The following VAV2 variants were observed in gnomAD, a reference collection of about 807,000 sequenced individuals.
VAV2 encodes guanine nucleotide exchange factor VAV2.
A neutral mutation model predicts 132.5 loss-of-function variants in VAV2; 67 were observed. The ratio of observed to expected loss-of-function variants is 0.51; its 90% CI spans 0.42 to 0.62. The LOEUF is 0.62. Ranked by LOEUF, VAV2 falls within the 20% of genes least tolerant of loss-of-function variation. VAV2 has a pLI of 0.00. For missense variants in VAV2, 938 were observed against 1,153.6 expected (o/e 0.81, Z 2.71); for synonymous variants, 492 against 443.5 (o/e 1.11, Z -1.37).
chr9:133,818,103 G>A (rs1443857004), intron 4 of VAV2, among the ~76,000 whole-genome samples: 6 of 152,162 alleles, frequency 3.9e-5, no homozygotes, highest in Non-Finnish European at 8.8e-5. Flanking sequence ...GGCGGCTCAC[G>A]CCTGTAATCT....
chr9:133,827,003 G>A (rs746888818), intron 4 of VAV2, among the ~76,000 whole-genome samples: 3 of 152,234 alleles, frequency 2.0e-5, no homozygotes, highest in Non-Finnish European at 4.4e-5. Flanking sequence ...CATTCCCAGG[G>A]CCCCCCACAG....
Position 133,991,786 on chromosome 9 carries a change from G to C in VAV2, c.204+289C>G, listed in dbSNP as rs974442235. Among the ~76,000 whole-genome samples the C allele has an allele frequency of 6.6e-6, 1 of 151,154 alleles. No homozygotes were observed. Among genetic ancestry groups the C allele is most frequent in the African/African-American group, 2.4e-5 (1 of 41,352 alleles). On this transcript the variant is annotated intron_variant, in intron 1 of 29. Coordinates refer to ENST00000371850, the MANE Select transcript of VAV2 (RefSeq NM_001134398.2). The surrounding 1 kb of genome is among the most constrained non-coding windows in gnomAD (Gnocchi z 4.8). ...CCCGCAGAGCGAGCGCAGCGCCGGA[G>C]CCTCCCCCATCCCAGGCCGCGCAGA...
intron 12 of VAV2, among the ~76,000 whole-genome samples, chr9:133,793,472 C>A (rs1313906958): frequency 1.3e-5 from 2 of 152,144 alleles, no homozygotes; most frequent in Non-Finnish European, 2.9e-5. Flanking sequence ...AGGGGTGTTC[C>A]GTTTTCTTGT....
chr9:133,768,395 G>A lies in VAV2; in HGVS notation c.2589+47C>T. On this transcript the variant is annotated intron_variant, in intron 29 of 29. Transcript: ENST00000371850. This position sits in a 1 kb window ranked among gnomAD's most constrained non-coding sequence, Gnocchi z 5.3. ...AGTCTGCCTGAGCCCGACCAGGTAG[G>A]GGCTGCAGCGAGGCCAGCCCCACAC... is the stretch of plus-strand genomic sequence containing the variant. 1.3e-6 allele frequency: 2 copies of A among 1,596,200 alleles called. No homozygotes were observed. The highest frequency in any genetic ancestry group is 1.1e-5 in the South Asian group (1 of 89,076).
intron 1 of VAV2, among the ~76,000 whole-genome samples, chr9:133,952,991 G>A (rs1238272074): frequency 2.0e-5 from 3 of 149,888 alleles, no homozygotes; most frequent in African/African-American, 7.4e-5. Flanking sequence ...GAACCTGGAG[G>A]GAGCATGGCC....
chr9:133,774,192 G>A lies in VAV2; in HGVS notation c.2135+743C>T, dbSNP rs115288577. Among the ~76,000 whole-genome samples, 358 of 152,330 alleles carry A rather than the reference G, an allele frequency of 2.4e-3. 1 individual carries two copies. Among genetic ancestry groups the A allele is most frequent in the African/African-American group, 8.0e-3 (331 of 41,558 alleles). On this transcript the variant is annotated intron_variant, in intron 25 of 29. Coordinates refer to ENST00000371850, the MANE Select transcript of VAV2 (RefSeq NM_001134398.2). ...ACAGTCATTAAACAAATGGTGGCCT[G>A]GCTGCCTGGTCCTCTGTGAGGCCTT...
intron 29 of VAV2, among the ~76,000 whole-genome samples, chr9:133,765,020 C>T (rs1833387586): frequency 6.6e-6 from 1 of 152,172 alleles, no homozygotes; most frequent in Non-Finnish European, 1.5e-5. Context: ...AACAACTCCT[C>T]ACAAAAAGGA....
intron 1 of VAV2, among the ~76,000 whole-genome samples, chr9:133,967,034 CAAAA>C (rs71380266): frequency 2.8e-5 from 3 of 106,176 alleles, no homozygotes; most frequent in Admixed American, 1.1e-4. Flanking sequence ...GACTTTGTCT[CAAAA>C]AAAAAAAAAA....
At chr9:133,774,796 A>G in intron 25 of VAV2, 139 bp downstream of exon 25, 1 of 784,198 alleles carries the variant, frequency 1.3e-6, no homozygotes, top group Admixed American at 2.2e-5. Context: ...CACCGCTTTC[A>G]TCTCAATAAT....
chr9:133,989,898 C>T (rs1427333120), intron 1 of VAV2, among the ~76,000 whole-genome samples: 1 of 152,268 alleles, frequency 6.6e-6, no homozygotes, highest in African/African-American at 2.4e-5. Flanking sequence ...GTGGCCCACC[C>T]TCCACGGGAC....
At position 133,912,345 on chromosome 9, in the gene VAV2, C is replaced by T. The variant is rs1310169303; in HGVS notation, c.321+26758G>A. Among the ~76,000 whole-genome samples the T allele has an allele frequency of 6.6e-6, 1 of 152,190 alleles. No individual in the cohort carries two copies. Among genetic ancestry groups the T allele is most frequent in the Non-Finnish European group, 1.5e-5 (1 of 68,036 alleles). On this transcript the variant is annotated intron_variant, in intron 2 of 29. Coordinates refer to ENST00000371850, the MANE Select transcript of VAV2 (RefSeq NM_001134398.2). This position sits in a 1 kb window ranked among gnomAD's most constrained non-coding sequence, Gnocchi z 4.3. Reference sequence around the variant, plus strand: ...CTGGGAACATGAGACCCGGGCTGAACACGAGGCTATGTCCGTCCAAATCCC... The same window carrying T: ...CTGGGAACATGAGACCCGGGCTGAATACGAGGCTATGTCCGTCCAAATCCC...
In VAV2 at chr9:133,779,910, A is replaced by G. The variant is rs754903241; in HGVS notation, c.1762+8T>C. The G allele has an allele frequency of 7.8e-5, 125 of 1,611,696 alleles. No homozygotes were observed. Among genetic ancestry groups the G allele is most frequent in the Non-Finnish European group, 1.1e-4 (124 of 1,179,368 alleles). On this transcript the variant is annotated splice_region_variant and intron_variant, in intron 21 of 29. Coordinates refer to ENST00000371850, the MANE Select transcript of VAV2 (RefSeq NM_001134398.2). ...TGATAGCAGAGGGCCCAGGTCCAGA[A>G]GACTCACCTGGTCCCGCTCCGGAGG...
chr9:133,785,954 T>C (rs1283428852), intron 16 of VAV2, 69 bp from the exon 17 acceptor site: 8 of 1,377,610 alleles, frequency 5.8e-6, no homozygotes, highest in Non-Finnish European at 8.2e-6. Context: ...TGTCCACGTG[T>C]ACTCTCGCCT....
In VAV2 at chr9:133,901,636, G is replaced by C. The variant is rs1839446680; in HGVS notation, c.321+37467C>G. On this transcript the variant is annotated intron_variant, in intron 2 of 29. Transcript: ENST00000371850. ...TCTCCTGCCCTCCAGCAAGGGCCCG[G>C]AGCTGCCCTGAGGGGCTCCTGCCGG... is the stretch of plus-strand genomic sequence containing the variant. Among the ~76,000 whole-genome samples the C allele has an allele frequency of 3.9e-5, 6 of 152,250 alleles. No homozygotes were observed. In the South Asian group the frequency reaches 1.2e-3, roughly 31 times the overall value.
Position 133,796,741 on chromosome 9 carries a change from C to T in VAV2, c.937-217G>A, listed in dbSNP as rs564606362. ...TGGCTCCCACCCTGCCGTGTCTGCA[C>T]TGGCCACACTGGGACGCAGTGAGAC... is the stretch of plus-strand genomic sequence containing the variant. On this transcript the variant is annotated intron_variant, in intron 10 of 29. Coordinates refer to ENST00000371850, the MANE Select transcript of VAV2 (RefSeq NM_001134398.2). Among the ~76,000 whole-genome samples, 6 of 152,342 alleles carry T rather than the reference C, an allele frequency of 3.9e-5. No individual in the cohort carries two copies. In the East Asian group the frequency reaches 1.2e-3, roughly 29 times the overall value.
chr9:133,897,508 C>T (rs1232109667), intron 2 of VAV2, among the ~76,000 whole-genome samples: 2 of 152,140 alleles, frequency 1.3e-5, no homozygotes, highest in Non-Finnish European at 2.9e-5. Flanking sequence ...GAAACTGGGT[C>T]CCAGGAGGGT....
intron 10 of VAV2, among the ~76,000 whole-genome samples, chr9:133,796,756 C>G (rs771953628): frequency 2.0e-5 from 3 of 152,298 alleles, no homozygotes; most frequent in Non-Finnish European, 4.4e-5. Flanking sequence ...CACACTGGGA[C>G]GCAGTGAGAC....
At chr9:133,866,763 A>ACG (rs1837817225) in intron 2 of VAV2, among the ~76,000 whole-genome samples, 1 of 148,746 alleles carries the variant, frequency 6.7e-6, no homozygotes, top group African/African-American at 2.5e-5. Context: ...CCGAGATTGC[A>ACG]CCACTGCACT....
intron 2 of VAV2, among the ~76,000 whole-genome samples, chr9:133,887,405 C>T: frequency 6.6e-6 from 1 of 152,124 alleles, no homozygotes; most frequent in Non-Finnish European, 1.5e-5. Context: ...GGACATCTGG[C>T]CCCAGGGAAT....
Sources: allele counts gnomAD v4.1 joint callset (sites outside exome capture counted in the v4.1 genomes callset), GRCh38; gene constraint gnomAD v4.1.1; non-coding constraint Gnocchi (gnomAD v3.1); transcripts MANE v1.5; gene names NCBI Gene and HGNC (gene_info 2026-07-23, HGNC 2026-07-21).